The following JAG1 variants were observed in gnomAD, a reference collection of about 807,000 sequenced individuals.
The protein encoded by JAG1 is jagged canonical Notch ligand 1, also known as protein jagged-1.
Under a neutral mutation model 148.7 loss-of-function variants are expected in JAG1, and 23 were observed. That is an observed-to-expected ratio of 0.15 (90% CI 0.11 to 0.22). The LOEUF (loss-of-function observed/expected upper bound fraction) is 0.22, where lower values mean the gene tolerates loss of function less well. Ranked by LOEUF, JAG1 falls within the 10% of genes least tolerant of loss-of-function variation. The pLI is 1.00. For missense variants in JAG1, 1,054 were observed against 1,611.2 expected, an observed-to-expected ratio of 0.65 and a Z score of 5.92; for synonymous variants, 572 against 598.3, an observed-to-expected ratio of 0.96 and a Z score of 0.64.
At chr20:10,648,240 A>G (rs1205693603) in intron 12 of JAG1, 130 bp from the exon 13 acceptor site, 1 of 1,078,092 alleles carries the variant, frequency 9.3e-7, no homozygotes. Flanking sequence ...ACACCCTGTA[A>G]GATACATCTC....
At position 10,658,561 on chromosome 20, in the gene JAG1, G is replaced by C; in HGVS notation, c.601C>G (p.Arg201Gly). Residue 201 changes from arginine to glycine, a missense_variant, in exon 4 of 26, where the codon CGC (arginine) becomes GGC (glycine). Physicochemically the swap from Arg to Gly is moderately radical, Grantham distance 125 (BLOSUM62 -2). Coordinates refer to ENST00000254958, the MANE Select transcript of JAG1 (RefSeq NM_000214.3). The part of the protein sequence containing the change: ...YYGFGCNKFC[R>G]PRDDFFGHYA... Reference sequence around the variant, plus strand: ...TGTCCAAAGAAGTCATCTCTGGGGCGGCAGAACTTATTGCAGCCAAAGCCA... The same window carrying C: ...TGTCCAAAGAAGTCATCTCTGGGGCCGCAGAACTTATTGCAGCCAAAGCCA... 2 of 1,614,200 alleles carry C rather than the reference G, an allele frequency of 1.2e-6. No homozygotes were observed. Among genetic ancestry groups the C allele is most frequent in the Non-Finnish European group, 1.7e-6 (2 of 1,180,034 alleles).
chr20:10,640,807 T>C lies in JAG1; in HGVS notation c.3175A>G (p.Arg1059Gly). 1 of 1,614,228 alleles carries C rather than the reference T, an allele frequency of 6.2e-7. No homozygotes were observed. Among genetic ancestry groups the C allele is most frequent in the Non-Finnish European group, 8.5e-7 (1 of 1,180,046 alleles). ...IAAVAEVRVQRRPLKNRTDFL... is the reference protein window; with the variant it reads ...IAAVAEVRVQGRPLKNRTDFL... The stretch of plus-strand genomic sequence containing the variant: ...CCTGTTCTGTTCTTCAGAGGCCGCC[T>C]CTGAACTCTTACTTCTGCAACGGCA... Residue 1059 changes from arginine to glycine, a missense_variant, in exon 25 of 26, where the codon AGG becomes GGG. Around this residue, in one of 6 missense-constraint regions of JAG1, gnomAD observed 342 missense variants for 514.6 expected, o/e 0.66. Transcript: ENST00000254958.
chr20:10,641,250 ACGATTTTTAAAAACCCACAC>A lies in JAG1; in HGVS notation c.2917-26_2917-7del. 1.2e-6 allele frequency: 2 copies of A among 1,613,664 alleles called. No homozygotes were observed. The highest frequency in any genetic ancestry group is 4.5e-5 in the East Asian group (2 of 44,830). On this transcript the variant is annotated splice_polypyrimidine_tract_variant and splice_region_variant and intron_variant, in intron 23 of 25. Transcript: ENST00000254958. ...ATGTGCTCCGTAGTAAGACCCTAAA[ACGATTTTTAAAAACCCACAC>A]ACGTGTAAGATTGAGAGGAAGAACA... is the stretch of plus-strand genomic sequence containing the variant.
Position 10,673,154 on chromosome 20 carries a change from A to G in JAG1, c.82-148T>C. The G allele has an allele frequency of 2.9e-6, 2 of 682,126 alleles. No homozygotes were observed. The highest frequency in any genetic ancestry group is 4.9e-6 in the Non-Finnish European group (2 of 405,876). The allele number at this position is 682,126 out of a possible 1,614,324, so 42.3% of individuals were successfully genotyped here. A position where few individuals can be genotyped will look rare whatever the true frequency, so the allele number is the denominator to read the frequency against. ...GCGAAACTACGTTCAAGGACTCAACATGATTCCGGGGCAAAAAAAAAAAAA... is the reference window on the plus strand; with the variant it reads ...GCGAAACTACGTTCAAGGACTCAACGTGATTCCGGGGCAAAAAAAAAAAAA... On this transcript the variant is annotated intron_variant, in intron 1 of 25. Coordinates refer to ENST00000254958, the MANE Select transcript of JAG1 (RefSeq NM_000214.3). This position sits in a 1 kb window ranked among gnomAD's most constrained non-coding sequence, Gnocchi z 4.7.
chr20:10,646,432 C>T (rs2067308856), intron 14 of JAG1: 2 of 376,238 alleles, frequency 5.3e-6, no homozygotes, highest in South Asian at 2.2e-5. Flanking sequence ...GTAAATTGAA[C>T]ACGACCTCAG....
At chr20:10,642,149 C>T (rs183179824) in intron 21 of JAG1, among the ~76,000 whole-genome samples, 25 of 152,194 alleles carry the variant, frequency 1.6e-4, no homozygotes, top group Admixed American at 7.2e-4. Flanking sequence ...TACCCACTGG[C>T]GATGAAAGGA....
chr20:10,650,372 G>T lies in JAG1; in HGVS notation c.1121-12C>A. Reference sequence around the variant, plus strand: ...ACAGTCATCAATGTCTGGTCAACAAGAAAAGGAGGGGGTTGACAATTTAAT... The same window carrying T: ...ACAGTCATCAATGTCTGGTCAACAATAAAAGGAGGGGGTTGACAATTTAAT... On this transcript the variant is annotated splice_polypyrimidine_tract_variant and intron_variant, in intron 8 of 25. Coordinates refer to ENST00000254958, the MANE Select transcript of JAG1 (RefSeq NM_000214.3). 4 of 1,447,234 alleles carry T rather than the reference G, an allele frequency of 2.8e-6. No individual in the cohort carries two copies. The highest frequency in any genetic ancestry group is 3.9e-6 in the Non-Finnish European group (4 of 1,028,762). The allele number at this position is 1,447,234 out of a possible 1,614,324, so 89.6% of individuals were successfully genotyped here.
In JAG1 at chr20:10,649,523, T is replaced by C; in HGVS notation, c.1347A>G (p.Ile449Met). The C allele has an allele frequency of 5.1e-6, 8 of 1,582,144 alleles. No homozygotes were observed. The highest frequency in any genetic ancestry group is 7.0e-6 in the Non-Finnish European group (8 of 1,150,866). The change falls in exon 10 of 26, where the codon ATA (isoleucine) becomes ATG (methionine). Residue 449 changes from isoleucine (I) to methionine (M), a missense_variant and splice_region_variant. Coordinates refer to ENST00000254958, the MANE Select transcript of JAG1 (RefSeq NM_000214.3). ...LPGWMGQNCD[I>M]NINDCLGQCQ... is the part of the protein sequence containing the mutation. ...CAAAATGGAAACAAAGTCACTCACT[T>C]ATGTCACAATTCTGACCCATCCAGC...
At position 10,639,555 on chromosome 20, in the gene JAG1, CTGTT is replaced by C. The variant is rs747441734; in HGVS notation, c.3596_3599del (p.Lys1199ArgfsTer12). Reference sequence around the variant, plus strand: ...GGGCACTTTCCAAGTCTCTGTTGTCCTGTTTGTTTGTCCAGTTTGGGTGTTTTGT... The same window carrying C: ...GGGCACTTTCCAAGTCTCTGTTGTCCTGTTTGTCCAGTTTGGGTGTTTTGT... On this transcript the variant is annotated frameshift_variant, in exon 26 of 26. Coordinates refer to ENST00000254958, the MANE Select transcript of JAG1 (RefSeq NM_000214.3). LOFTEE classifies it high-confidence loss of function. The C allele has an allele frequency of 2.5e-6, 4 of 1,614,042 alleles. No individual in the cohort carries two copies. Among genetic ancestry groups the C allele is most frequent in the Non-Finnish European group, 3.4e-6 (4 of 1,180,038 alleles).
In JAG1 at chr20:10,645,856, A is replaced by G. The variant is rs1304816303; in HGVS notation, c.1999+115T>C. Reference sequence around the variant, plus strand: ...GTGATACTGTCCCAGTGCAGAAATCACTGCGGTCTTGCTTCCAGAGATTTC... The same window carrying G: ...GTGATACTGTCCCAGTGCAGAAATCGCTGCGGTCTTGCTTCCAGAGATTTC... On this transcript the variant is annotated intron_variant, in intron 15 of 25. Coordinates refer to ENST00000254958, the MANE Select transcript of JAG1 (RefSeq NM_000214.3). This position sits in a 1 kb window ranked among gnomAD's most constrained non-coding sequence, Gnocchi z 6.1. The G allele has an allele frequency of 1.3e-6, 1 of 799,942 alleles. No individual in the cohort carries two copies. Among genetic ancestry groups the G allele is most frequent in the Non-Finnish European group, 2.2e-6 (1 of 444,818 alleles). 49.6% of individuals were successfully genotyped at this position (799,942 alleles called of 1,614,324 possible). A position where few individuals can be genotyped will look rare whatever the true frequency, so the allele number is the denominator to read the frequency against.
At chr20:10,644,498 A>G in intron 18 of JAG1, 114 bp from the exon 19 acceptor site, 1 of 834,972 alleles carries the variant, frequency 1.2e-6, no homozygotes, top group Non-Finnish European at 2.0e-6. Flanking sequence ...CGTAGTTAAC[A>G]CCAGCAAAAT....
Position 10,645,006 on chromosome 20 carries a change from C to T in JAG1, c.2228-27G>A, listed in dbSNP as rs1226793702. On this transcript the variant is annotated intron_variant, in intron 17 of 25. Coordinates refer to ENST00000254958, the MANE Select transcript of JAG1 (RefSeq NM_000214.3). The surrounding 1 kb of genome is among the most constrained non-coding windows in gnomAD (Gnocchi z 6.1). ...TATAAAAGAAGAGCAGACACGACCA[C>T]CCTCCCTGAGTATCCAGAAACAGTC... is the stretch of plus-strand genomic sequence containing the variant. The T allele has an allele frequency of 1.9e-6, 3 of 1,583,474 alleles. No homozygotes were observed. Among genetic ancestry groups the T allele is most frequent in the Middle Eastern group, 1.7e-4 (1 of 6,004 alleles).
Position 10,658,556 on chromosome 20 carries a change from G to T in JAG1, c.606C>A (p.Pro202=). The T allele has an allele frequency of 1.9e-6, 3 of 1,614,238 alleles. No homozygotes were observed. Among genetic ancestry groups the T allele is most frequent in the Non-Finnish European group, 2.5e-6 (3 of 1,180,034 alleles). ...CATAGTGTCCAAAGAAGTCATCTCT[G>T]GGGCGGCAGAACTTATTGCAGCCAA... ...YGFGCNKFCR[P]RDDFFGHYAC... The change falls in exon 4 of 26, where the codon CCC becomes CCA. Residue 202 remains proline (P), a synonymous_variant. Coordinates refer to ENST00000254958, the MANE Select transcript of JAG1 (RefSeq NM_000214.3).
chr20:10,649,023 A>C (rs1490819579), intron 11 of JAG1, 38 bp downstream of exon 11: 1 of 1,525,982 alleles, frequency 6.6e-7, no homozygotes, highest in Non-Finnish European at 9.1e-7. Context: ...ATTTGTTGTC[A>C]ATTGTCAAAG....
chr20:10,653,223 G>T (rs1285471096), intron 5 of JAG1, among the ~76,000 whole-genome samples: 1 of 150,458 alleles, frequency 6.6e-6, no homozygotes, highest in Non-Finnish European at 1.5e-5. Flanking sequence ...TCCATAATTT[G>T]TGTCCCATTA....
chr20:10,671,431 C>G (rs1178989941), intron 2 of JAG1, among the ~76,000 whole-genome samples: 1 of 152,188 alleles, frequency 6.6e-6, no homozygotes, highest in African/African-American at 2.4e-5. Context: ...GCAGAGGGCA[C>G]TTTATAATGC....
rs771544217 is a variant in JAG1, at chr20:10,644,909, A to G, written c.2298T>C (p.Phe766=). The change falls in exon 18 of 26, where the codon TTT becomes TTC. Residue 766 remains phenylalanine, a synonymous_variant. Coordinates refer to ENST00000254958, the MANE Select transcript of JAG1 (RefSeq NM_000214.3). ...CCCAGCCTTCCTTGCAGACGCACGT[A>G]AAGGACTCGCCGTTGACCACACATG... ...GGTCVVNGES[F]TCVCKEGWEG... is the part of the protein sequence containing the mutation. 1.4e-5 allele frequency: 22 copies of G among 1,613,968 alleles called. No individual in the cohort carries two copies. In the African/African-American group the frequency reaches 1.5e-4, roughly 11 times the overall value.
Position 10,642,441 on chromosome 20 carries a change from C to T in JAG1, c.2572+47G>A, listed in dbSNP as rs147841407. Reference sequence around the variant, plus strand: ...AAAGTCAAATGGTGACTGCAAAGCTCGCTCACCCCAGAAGACCCATGGGCA... The same window carrying T: ...AAAGTCAAATGGTGACTGCAAAGCTTGCTCACCCCAGAAGACCCATGGGCA... On this transcript the variant is annotated intron_variant, in intron 21 of 25. Coordinates refer to ENST00000254958, the MANE Select transcript of JAG1 (RefSeq NM_000214.3). 3.1e-3 allele frequency: 3,501 copies of T among 1,120,272 alleles called. 29 individuals carry two copies. Among genetic ancestry groups the T allele is most frequent in the Middle Eastern group, 0.019 (95 of 5,120 alleles). 69.4% of individuals were successfully genotyped at this position (1,120,272 alleles called of 1,614,324 possible). A position where few individuals can be genotyped will look rare whatever the true frequency, so the allele number is the denominator to read the frequency against.
chr20:10,640,875 A>G lies in JAG1; in HGVS notation c.3107T>C (p.Ile1036Thr). The G allele has an allele frequency of 6.2e-7, 1 of 1,613,984 alleles. No homozygotes were observed. The highest frequency in any genetic ancestry group is 8.5e-7 in the Non-Finnish European group (1 of 1,179,870). Residue 1036 changes from isoleucine to threonine, a missense_variant, in exon 25 of 26, where the codon ATC (isoleucine) becomes ACC (threonine). Physicochemically the swap from Ile to Thr is moderately conservative, Grantham distance 89. Coordinates refer to ENST00000254958, the MANE Select transcript of JAG1 (RefSeq NM_000214.3). ...NPIKEITDKI[I>T]DLVSKRDGNS... ...TCCATCACGTTTACTAACAAGATCGATTATTTTGTCAGTGATTTCCTTGAT... is the reference window on the plus strand; with the variant it reads ...TCCATCACGTTTACTAACAAGATCGGTTATTTTGTCAGTGATTTCCTTGAT...
Sources: gnomAD v4.1 joint callset for allele counts (sites outside exome capture counted in the v4.1 genomes callset) on GRCh38, gnomAD v4.1.1 for gene constraint, gnomAD v4.1.1 regional missense constraint, Gnocchi (gnomAD v3.1) non-coding constraint, MANE v1.5 for transcripts, NCBI Gene and HGNC (gene_info 2026-07-23, HGNC 2026-07-21) for gene names.